The following IFIH1 variants were observed in gnomAD, a reference collection of about 807,000 sequenced individuals.
IFIH1 encodes interferon-induced helicase C domain-containing protein 1.
A neutral mutation model predicts 107.4 loss-of-function variants in IFIH1; 125 were observed. The ratio of observed to expected loss-of-function variants is 1.16; its 90% CI spans 1.01 to 1.35. The LOEUF (loss-of-function observed/expected upper bound fraction) is 1.35. Among genes scored for constraint, IFIH1 ranks in the 40% most tolerant of loss-of-function variants. The probability of loss-of-function intolerance (pLI) is 0.00; values close to 1 mark genes in which losing one functional copy is unlikely to be tolerated. For synonymous variants in IFIH1, 458 were observed against 413.2 expected, an observed-to-expected ratio of 1.11 and a Z score of -1.31; for missense variants, 1,333 against 1,213.7, an observed-to-expected ratio of 1.10 and a Z score of -1.46.
At chr2:162,281,923 C>G (rs1439111780) in intron 6 of IFIH1, among the ~76,000 whole-genome samples, 2 of 151,938 alleles carry the variant, frequency 1.3e-5, no homozygotes, top group African/African-American at 2.4e-5. Context: ...TTTATTACAT[C>G]AAGTGAAAAA....
At chr2:162,294,536 A>C (rs910234629) in intron 3 of IFIH1, among the ~76,000 whole-genome samples, 1 of 151,940 alleles carries the variant, frequency 6.6e-6, no homozygotes, top group Non-Finnish European at 1.5e-5. Context: ...AAAATTTGCT[A>C]TTCACTTTGC....
chr2:162,312,500 G>C (rs539214760), intron 1 of IFIH1, among the ~76,000 whole-genome samples: 97 of 152,304 alleles, frequency 6.4e-4, no homozygotes, highest in Non-Finnish European at 9.3e-4. Context: ...GTTGAATTTA[G>C]AGGCTGAATC....
Position 162,276,714 on chromosome 2 carries a change from G to A in IFIH1, c.2277C>T (p.His759=), listed in dbSNP as rs1682675089. The change falls in exon 11 of 16, where the codon CAC becomes CAT. Residue 759 remains histidine, a synonymous_variant. Transcript: ENST00000649979. ...VKAHHLIGAG[H]SSEFKPMTQN... is the part of the protein sequence containing the mutation. Reference sequence around the variant, plus strand: ...GTGTCATGGGTTTGAACTCACTGCTGTGTCCAGCTCCAATCAGATGGTGGG... The same window carrying A: ...GTGTCATGGGTTTGAACTCACTGCTATGTCCAGCTCCAATCAGATGGTGGG... The A allele has an allele frequency of 1.2e-6, 2 of 1,613,700 alleles. No individual in the cohort carries two copies. Among genetic ancestry groups the A allele is most frequent in the South Asian group, 1.1e-5 (1 of 91,046 alleles).
Position 162,293,386 on chromosome 2 carries a change from G to T in IFIH1, c.874+178C>A, listed in dbSNP as rs34114189. On this transcript the variant is annotated intron_variant, in intron 4 of 15. Coordinates refer to ENST00000649979, the MANE Select transcript of IFIH1 (RefSeq NM_022168.4). ...AAAATTAGAGAGTTTGGTTCTAAGA[G>T]TTTGTAAGTTACACTTTTAAAGAAA... Among the ~76,000 whole-genome samples, 23,053 of 151,806 alleles carry T rather than the reference G, an allele frequency of 0.15. 4,218 individuals are homozygous for T. Among genetic ancestry groups the T allele is most frequent in the African/African-American group, 0.42 (17,215 of 41,372 alleles).
chr2:162,308,352 T>A (rs1052861932), intron 2 of IFIH1, among the ~76,000 whole-genome samples: 1 of 152,002 alleles, frequency 6.6e-6, no homozygotes, highest in Admixed American at 6.6e-5. Flanking sequence ...TCTATCAGAT[T>A]AAGGCCCCAT....
rs1460201356 is a variant in IFIH1, at chr2:162,276,961, T to A, written c.2045-15A>T. ...TTTATTGTTTTCTTTAAGAAATAAT[T>A]AGAGTTGATATGTTAACAAGCTTGA... On this transcript the variant is annotated splice_polypyrimidine_tract_variant and intron_variant, in intron 10 of 15. Transcript: ENST00000649979. 1.3e-6 allele frequency: 2 copies of A among 1,574,982 alleles called. No individual in the cohort carries two copies. The highest frequency in any genetic ancestry group is 2.7e-5 in the African/African-American group (2 of 73,046).
chr2:162,311,914 T>C (rs897346824), intron 1 of IFIH1, among the ~76,000 whole-genome samples: 2 of 152,178 alleles, frequency 1.3e-5, no homozygotes, highest in Non-Finnish European at 2.9e-5. Context: ...AAAATACTGA[T>C]GTCTAGGAAA....
At position 162,282,444 on chromosome 2, in the gene IFIH1, T is replaced by C. The variant is rs758677574; in HGVS notation, c.1228A>G (p.Ile410Val). Residue 410 changes from isoleucine (I) to valine (V), a missense_variant, in exon 6 of 16, where the codon ATT becomes GTT. Physicochemically the swap from Ile to Val is conservative, Grantham distance 29. Transcript: ENST00000649979. ...FPEVVKSCDIIISTAQILENS... is the reference protein window; with the variant it reads ...FPEVVKSCDIVISTAQILENS... ...TCAAGGATTTGAGCTGTACTGATAA[T>C]AATATCACAGGACTTGACAACTTCT... The C allele has an allele frequency of 1.9e-6, 3 of 1,612,068 alleles. No individual in the cohort carries two copies. Among genetic ancestry groups the C allele is most frequent in the Non-Finnish European group, 8.5e-7 (1 of 1,178,662 alleles).
At chr2:162,300,693 T>C (rs980364593) in intron 3 of IFIH1, among the ~76,000 whole-genome samples, 6 of 152,196 alleles carry the variant, frequency 3.9e-5, no homozygotes. Context: ...TTAGAAAAAT[T>C]AAAAAGTAAA....
At chr2:162,281,265 C>T in intron 7 of IFIH1, 63 bp downstream of exon 7, 1 of 1,286,112 alleles carries the variant, frequency 7.8e-7, no homozygotes, top group East Asian at 2.3e-5. Flanking sequence ...TTAATAAGAC[C>T]AAGAAGTCCT....
chr2:162,315,449 C>A (rs1002376471), intron 1 of IFIH1, among the ~76,000 whole-genome samples: 3 of 152,126 alleles, frequency 2.0e-5, no homozygotes, highest in African/African-American at 7.2e-5. Context: ...GAATTTACCT[C>A]AATCTCTCAA....
In IFIH1 at chr2:162,276,803, T is replaced by C. The variant is rs1220200085; in HGVS notation, c.2188A>G (p.Ser730Gly). 1.9e-6 allele frequency: 3 copies of C among 1,614,080 alleles called. No individual in the cohort carries two copies. The highest frequency in any genetic ancestry group is 8.5e-7 in the Non-Finnish European group (1 of 1,179,956). Reference protein sequence around the residue: ...RGIIFTKTRQSAYALSQWITE... With the variant: ...RGIIFTKTRQGAYALSQWITE... ...ATCCACTGGGAAAGCGCATATGCAC[T>C]CTGTCGTGTTTTTGTAAAGATTATT... The change falls in exon 11 of 16, where the codon AGT becomes GGT. Residue 730 changes from serine (S) to glycine (G), a missense_variant. By Grantham distance (56) the Ser-to-Gly change is moderately conservative. Transcript: ENST00000649979.
intron 3 of IFIH1, among the ~76,000 whole-genome samples, chr2:162,298,905 C>G (rs564494683): frequency 3.3e-5 from 5 of 152,228 alleles, no homozygotes; most frequent in Admixed American, 2.6e-4. Context: ...CTTGCATATT[C>G]TCTCCTGGAT....
chr2:162,307,242 T>C (rs1683299864), intron 2 of IFIH1: 1 of 154,456 alleles, frequency 6.5e-6, no homozygotes, highest in African/African-American at 2.4e-5. Flanking sequence ...ATAAGCATTA[T>C]GCTAATCACA....
chr2:162,306,785 T>C lies in IFIH1; in HGVS notation c.693A>G (p.Pro231=). The change falls in exon 3 of 16, where the codon CCA becomes CCG. Residue 231 remains proline (P), a synonymous_variant. Transcript: ENST00000649979. ...TGCCCCAGACCTCCTTCTCCAGATT[T>C]GGCTGAACTGTGGTTGAAAGAAGTT... ...EEQLLSTTVQ[P]NLEKEVWGME... 1 of 1,613,986 alleles carries C rather than the reference T, an allele frequency of 6.2e-7. No homozygotes were observed. Among genetic ancestry groups the C allele is most frequent in the Non-Finnish European group, 8.5e-7 (1 of 1,179,882 alleles).
At chr2:162,297,820 A>G (rs1431453186) in intron 3 of IFIH1, among the ~76,000 whole-genome samples, 1 of 152,086 alleles carries the variant, frequency 6.6e-6, no homozygotes, top group Non-Finnish European at 1.5e-5. Flanking sequence ...TTTGTAAACA[A>G]CACAAAAAAG....
At chr2:162,276,430 C>T (rs948942881) in intron 11 of IFIH1, among the ~76,000 whole-genome samples, 3 of 152,052 alleles carry the variant, frequency 2.0e-5, no homozygotes, top group Non-Finnish European at 4.4e-5. Context: ...TAGTGGGACA[C>T]CTTTTCTACA....
rs1236265808 is a variant in IFIH1, at chr2:162,314,483, TC to T, written c.453+3371del. On this transcript the variant is annotated intron_variant, in intron 1 of 15. Coordinates refer to ENST00000649979, the MANE Select transcript of IFIH1 (RefSeq NM_022168.4). ...TTCTTTCTTTCTTTCTTTCTTTCTT[TC>T]TTTTTCTTTCTCTCTTTCTTATTAG... Among the ~76,000 whole-genome samples the T allele has an allele frequency of 3.3e-4, 41 of 123,630 alleles. 2 individuals are homozygous for T. In the East Asian group the frequency reaches 7.7e-3, roughly 23 times the overall value. The allele number at this position is 123,630 out of a possible 152,430, so 81.1% of individuals were successfully genotyped here.
At chr2:162,300,950 G>A (rs763050748) in intron 3 of IFIH1, among the ~76,000 whole-genome samples, 4 of 151,974 alleles carry the variant, frequency 2.6e-5, no homozygotes, top group Non-Finnish European at 5.9e-5. Flanking sequence ...TCTAAGATTG[G>A]ACTTTAGTCT....
Sources: gnomAD v4.1 joint callset for allele counts (sites outside exome capture counted in the v4.1 genomes callset) on GRCh38, gnomAD v4.1.1 for gene constraint, MANE v1.5 for transcripts, NCBI Gene and HGNC (gene_info 2026-07-23, HGNC 2026-07-21) for gene names.